AGPAT4: variants seen among roughly 807,000 people sequenced by gnomAD.
AGPAT4 encodes 1-acylglycerol-3-phosphate O-acyltransferase 4, also known as 1-acyl-sn-glycerol-3-phosphate acyltransferase delta.
AGPAT4 carries 15 observed loss-of-function variants against 48.0 expected under a neutral mutation model. That is an observed-to-expected ratio of 0.31 (90% CI 0.21 to 0.48). The LOEUF is 0.48. AGPAT4 is among the 20% of genes least tolerant of loss of function. The pLI is 0.99. For synonymous variants in AGPAT4, 178 were observed against 198.7 expected (o/e 0.90, Z 0.88); for missense variants, 314 against 482.5 (o/e 0.65, Z 3.27).
rs986262102 is a variant in AGPAT4 at position 161,184,046 on chromosome 6, G to C, written c.179-17629C>G. Among the ~76,000 whole-genome samples the C allele has an allele frequency of 8.5e-5, 13 of 152,074 alleles. No individual in the cohort carries two copies. The highest frequency in any genetic ancestry group is 2.0e-4 in the Admixed American group (3 of 15,266). On this transcript the variant is annotated intron_variant, in intron 2 of 8. Coordinates refer to ENST00000320285, the MANE Select transcript of AGPAT4 (RefSeq NM_020133.3). The surrounding 1 kb of genome is among the most constrained non-coding windows in gnomAD (Gnocchi z 4.8). ...TATGACTTGATCCACCTGAAATACA[G>C]TCTACTAGAACCTGTGCCACAAAGG...
In AGPAT4 at chr6:161,141,030, A is replaced by AGAT. The variant is rs1377360494; in HGVS notation, c.844-1413_844-1411dup. 9.9e-5 allele frequency among the ~76,000 whole-genome samples: 15 copies of AGAT among 152,164 alleles called. No individual in the cohort carries two copies. Among genetic ancestry groups the AGAT allele is most frequent in the Admixed American group, 9.2e-4 (14 of 15,286 alleles). On this transcript the variant is annotated intron_variant, in intron 7 of 8. Transcript: ENST00000320285. This position sits in a 1 kb window ranked among gnomAD's most constrained non-coding sequence, Gnocchi z 6.7. ...CTGAATATTTTCCTTTAACAACTTGAGATAGAAAAGTCTAAAGTATCTCAT... is the reference window on the plus strand; with the variant it reads ...CTGAATATTTTCCTTTAACAACTTGAGATGATAGAAAAGTCTAAAGTATCTCAT...
In AGPAT4 at chr6:161,178,475, T is replaced by C. The variant is rs1340456368; in HGVS notation, c.179-12058A>G. 6.6e-6 allele frequency among the ~76,000 whole-genome samples: 1 copy of C among 152,190 alleles called. No individual in the cohort carries two copies. Among genetic ancestry groups the C allele is most frequent in the Non-Finnish European group, 1.5e-5 (1 of 68,032 alleles). On this transcript the variant is annotated intron_variant, in intron 2 of 8. Coordinates refer to ENST00000320285, the MANE Select transcript of AGPAT4 (RefSeq NM_020133.3). The surrounding 1 kb of genome is among the most constrained non-coding windows in gnomAD (Gnocchi z 5.1). ...CCTGGTGTGCCATTTGCTAAGACCG[T>C]TGGAAAAGCGCAGTATTAGGGTGGG...
rs1006821546 is a variant in AGPAT4, at chr6:161,240,642, G to T, written c.-89-8340C>A. Among the ~76,000 whole-genome samples the T allele has an allele frequency of 7.9e-5, 12 of 152,194 alleles. No individual in the cohort carries two copies. The highest frequency in any genetic ancestry group is 1.9e-4 in the African/African-American group (8 of 41,430). On this transcript the variant is annotated intron_variant, in intron 1 of 8. Coordinates refer to ENST00000320285, the MANE Select transcript of AGPAT4 (RefSeq NM_020133.3). The surrounding 1 kb of genome is among the most constrained non-coding windows in gnomAD (Gnocchi z 5.5). ...GGTCTCCAGGACACAGAATCCCCAG[G>T]TACTGCGGTGCCCACAGAGGAGAGG...
rs185543139 is a variant in AGPAT4 at position 161,146,800 on chromosome 6, C to G, written c.768-201G>C. Among the ~76,000 whole-genome samples the G allele has an allele frequency of 6.6e-6, 1 of 152,260 alleles. No homozygotes were observed. The highest frequency in any genetic ancestry group is 6.5e-5 in the Admixed American group (1 of 15,288). ...CAGGCAAAAATGCAATTATGACCCA[C>G]GAAGGAACAACCCAGGGGCCAATTC... On this transcript the variant is annotated intron_variant, in intron 6 of 8. Transcript: ENST00000320285. The surrounding 1 kb of genome is among the most constrained non-coding windows in gnomAD (Gnocchi z 7.1).
chr6:161,231,975 C>G lies in AGPAT4; in HGVS notation c.178+61G>C. The G allele has an allele frequency of 6.6e-7, 1 of 1,512,322 alleles. No individual in the cohort carries two copies. Among genetic ancestry groups the G allele is most frequent in the African/African-American group, 1.4e-5 (1 of 72,948 alleles). 93.7% of individuals were successfully genotyped at this position (1,512,322 alleles called of 1,614,324 possible). On this transcript the variant is annotated intron_variant, in intron 2 of 8. Coordinates refer to ENST00000320285, the MANE Select transcript of AGPAT4 (RefSeq NM_020133.3). The surrounding 1 kb of genome is among the most constrained non-coding windows in gnomAD (Gnocchi z 5.3). ...AAGCCTAGTGAATCCATATCAAGAGCCATAATTCTGATACACACATCCACA... is the reference window on the plus strand; with the variant it reads ...AAGCCTAGTGAATCCATATCAAGAGGCATAATTCTGATACACACATCCACA...
Position 161,155,190 on chromosome 6 carries a change from C to T in AGPAT4, c.349-880G>A, listed in dbSNP as rs746875142. On this transcript the variant is annotated intron_variant, in intron 3 of 8. Transcript: ENST00000320285. This position sits in a 1 kb window ranked among gnomAD's most constrained non-coding sequence, Gnocchi z 5.8. The stretch of plus-strand genomic sequence containing the variant: ...GGTGTGGCCCTCCCCAGCCAGGCGT[C>T]CACTACATCAGTCCCCCTACACTGA... Among the ~76,000 whole-genome samples, 46 of 152,218 alleles carry T rather than the reference C, an allele frequency of 3.0e-4. No individual in the cohort carries two copies. Among genetic ancestry groups the T allele is most frequent in the Non-Finnish European group, 4.8e-4 (33 of 68,042 alleles).
At chr6:161,210,765 G>A (rs1781501239) in intron 2 of AGPAT4, among the ~76,000 whole-genome samples, 1 of 152,118 alleles carries the variant, frequency 6.6e-6, no homozygotes, top group Admixed American at 6.6e-5. Flanking sequence ...ATACTATAAG[G>A]TGTCAAAAAT....
At chr6:161,157,071 T>G (rs1413868784) in intron 3 of AGPAT4, among the ~76,000 whole-genome samples, 1 of 152,202 alleles carries the variant, frequency 6.6e-6, no homozygotes, top group Non-Finnish European at 1.5e-5. Context: ...CCACTTCACA[T>G]CTCTATATTT....
At chr6:161,168,432 G>A (rs73595053) in intron 2 of AGPAT4, among the ~76,000 whole-genome samples, 3,095 of 151,830 alleles carry the variant, frequency 0.02, 111 homozygotes, top group African/African-American at 0.068. Flanking sequence ...CACTCTCACC[G>A]CCCCCTACCC....
chr6:161,221,503 G>T lies in AGPAT4; in HGVS notation c.178+10533C>A, dbSNP rs1781834466. 6.6e-6 allele frequency among the ~76,000 whole-genome samples: 1 copy of T among 152,212 alleles called. No individual in the cohort carries two copies. The highest frequency in any genetic ancestry group is 2.1e-4 in the South Asian group (1 of 4,826). Reference sequence around the variant, plus strand: ...GAAAAAGGGAGAGGAGAGAGAAATAGATACCATATTAATGTGTCATTTATC... The same window carrying T: ...GAAAAAGGGAGAGGAGAGAGAAATATATACCATATTAATGTGTCATTTATC... On this transcript the variant is annotated intron_variant, in intron 2 of 8. Transcript: ENST00000320285. This position sits in a 1 kb window ranked among gnomAD's most constrained non-coding sequence, Gnocchi z 4.5.
At chr6:161,260,199 G>C (rs144970450) in intron 1 of AGPAT4, among the ~76,000 whole-genome samples, 1 of 152,128 alleles carries the variant, frequency 6.6e-6, no homozygotes, top group African/African-American at 2.4e-5. Flanking sequence ...TTCCATAGGC[G>C]ATGCCTTTCA....
chr6:161,174,513 C>T (rs1181876298), intron 2 of AGPAT4, among the ~76,000 whole-genome samples: 2 of 152,168 alleles, frequency 1.3e-5, no homozygotes, highest in African/African-American at 4.8e-5. Context: ...TGAGACTTTG[C>T]TGACGTTGTT....
chr6:161,260,123 C>A (rs1783057324), intron 1 of AGPAT4, among the ~76,000 whole-genome samples: 1 of 152,160 alleles, frequency 6.6e-6, no homozygotes, highest in Non-Finnish European at 1.5e-5. Context: ...CTTCAGTGAA[C>A]TGCTAGGAAG....
rs1780088498 is a variant in AGPAT4 at position 161,166,100 on chromosome 6, A to G, written c.348+148T>C. On this transcript the variant is annotated intron_variant, in intron 3 of 8. Transcript: ENST00000320285. This position sits in a 1 kb window ranked among gnomAD's most constrained non-coding sequence, Gnocchi z 6.7. ...GCTGTTAAGACTGACTCCCAGCAAG[A>G]ATAAAAAGCAGTTTATTAGGACCAT... The G allele has an allele frequency of 9.3e-7, 1 of 1,073,338 alleles. No individual in the cohort carries two copies. Among genetic ancestry groups the G allele is most frequent in the Non-Finnish European group, 1.3e-6 (1 of 745,578 alleles). 66.5% of individuals were successfully genotyped at this position (1,073,338 alleles called of 1,614,324 possible).
At chr6:161,224,815 C>A (rs540267901) in intron 2 of AGPAT4, among the ~76,000 whole-genome samples, 8 of 152,250 alleles carry the variant, frequency 5.3e-5, no homozygotes, top group Non-Finnish European at 1.0e-4. Flanking sequence ...AAAGTAACAT[C>A]TTTGTTGCTT....
rs575017030 is a variant in AGPAT4, at chr6:161,259,396, T to C, written c.-90+14542A>G. Among the ~76,000 whole-genome samples, 8 of 152,092 alleles carry C rather than the reference T, an allele frequency of 5.3e-5. No homozygotes were observed. The highest frequency in any genetic ancestry group is 5.9e-5 in the Non-Finnish European group (4 of 68,020). ...GATAGTCCTAATATGACCTTGGCTG[T>C]CCGCAGCGCGTATGCTTTGAGTTGC... is the stretch of plus-strand genomic sequence containing the variant. On this transcript the variant is annotated intron_variant, in intron 1 of 8. Coordinates refer to ENST00000320285, the MANE Select transcript of AGPAT4 (RefSeq NM_020133.3). The surrounding 1 kb of genome is among the most constrained non-coding windows in gnomAD (Gnocchi z 4.9).
chr6:161,213,997 G>A (rs942938682), intron 2 of AGPAT4, among the ~76,000 whole-genome samples: 2 of 152,102 alleles, frequency 1.3e-5, no homozygotes, highest in African/African-American at 2.4e-5. Flanking sequence ...ATTCAAGCTG[G>A]GAACTGTTTA....
In AGPAT4 at chr6:161,223,795, C is replaced by T. The variant is rs986590317; in HGVS notation, c.178+8241G>A. Reference sequence around the variant, plus strand: ...GGGTTGTGCCAAAGTGAAAGGCTCTCCACTCAAAGACCTCCTGGCCCCAAT... The same window carrying T: ...GGGTTGTGCCAAAGTGAAAGGCTCTTCACTCAAAGACCTCCTGGCCCCAAT... On this transcript the variant is annotated intron_variant, in intron 2 of 8. Transcript: ENST00000320285. The surrounding 1 kb of genome is among the most constrained non-coding windows in gnomAD (Gnocchi z 6.3). 1.3e-5 allele frequency among the ~76,000 whole-genome samples: 2 copies of T among 152,168 alleles called. No homozygotes were observed. The highest frequency in any genetic ancestry group is 4.8e-5 in the African/African-American group (2 of 41,424).
intron 1 of AGPAT4, among the ~76,000 whole-genome samples, chr6:161,263,416 G>A (rs1349412951): frequency 3.3e-5 from 5 of 152,058 alleles, no homozygotes; most frequent in East Asian, 1.9e-4. Flanking sequence ...GCTTGAATCC[G>A]GGAGGCAGAA....
Sources: gnomAD v4.1 joint callset for allele counts (sites outside exome capture counted in the v4.1 genomes callset) on GRCh38, gnomAD v4.1.1 for gene constraint, Gnocchi (gnomAD v3.1) non-coding constraint, MANE v1.5 for transcripts, NCBI Gene and HGNC (gene_info 2026-07-23, HGNC 2026-07-21) for gene names.